The following NTM variants were observed in gnomAD, a reference collection of about 807,000 sequenced individuals.
NTM encodes the protein IgLON family member 2.
A neutral mutation model predicts 42.1 loss-of-function variants in NTM; 13 were observed. The ratio of observed to expected loss-of-function variants is 0.31; its 90% CI spans 0.20 to 0.49. The LOEUF is 0.49. Among genes scored for constraint, NTM ranks in the 20% least tolerant of loss-of-function variants. NTM has a pLI of 0.99. For synonymous variants in NTM, 187 were observed against 179.2 expected (o/e 1.04, Z -0.35); for missense variants, 373 against 452.8 (o/e 0.82, Z 1.60).
intron 1 of NTM, among the ~76,000 whole-genome samples, chr11:131,894,967 A>AGGCT (rs1474278909): frequency 6.6e-6 from 1 of 152,190 alleles, no homozygotes; most frequent in East Asian, 1.9e-4. Context: ...GGGTCTGCCA[A>AGGCT]GGCTGGCGCT....
chr11:131,682,830 C>A (rs946045039), intron 1 of NTM, among the ~76,000 whole-genome samples: 1 of 152,156 alleles, frequency 6.6e-6, no homozygotes, highest in African/African-American at 2.4e-5. Context: ...CGACCCAGTA[C>A]CTACTGGATC....
chr11:131,390,605 C>T (rs1565454549), intron 1 of NTM, among the ~76,000 whole-genome samples: 1 of 152,268 alleles, frequency 6.6e-6, no homozygotes. Flanking sequence ...GAAGGACTTG[C>T]TCCAACTCGA....
chr11:131,964,702 G>A (rs1487633559), intron 2 of NTM, among the ~76,000 whole-genome samples: 1 of 152,222 alleles, frequency 6.6e-6, no homozygotes, highest in Middle Eastern at 3.4e-3. Context: ...GGCCATCATC[G>A]TCAGCCTCCC....
At chr11:131,480,381 G>C (rs947150611) in intron 1 of NTM, among the ~76,000 whole-genome samples, 1 of 152,084 alleles carries the variant, frequency 6.6e-6, no homozygotes, top group Non-Finnish European at 1.5e-5. Flanking sequence ...CCCACCAAAA[G>C]CTGTCGCTTG....
At chr11:131,443,753 T>C (rs1363704051) in intron 1 of NTM, among the ~76,000 whole-genome samples, 3 of 152,206 alleles carry the variant, frequency 2.0e-5, no homozygotes, top group Non-Finnish European at 4.4e-5. Context: ...TTAAGATGTC[T>C]TTATCTGTCC....
chr11:131,420,674 C>G (rs73022147), intron 1 of NTM, among the ~76,000 whole-genome samples: 348 of 152,308 alleles, frequency 2.3e-3, no homozygotes, highest in African/African-American at 7.5e-3. Context: ...CTGGCTCTTT[C>G]CCTTCTGCAG....
intron 1 of NTM, among the ~76,000 whole-genome samples, chr11:131,829,436 A>T (rs1348462242): frequency 2.6e-5 from 4 of 152,126 alleles, no homozygotes; most frequent in Non-Finnish European, 4.4e-5. Context: ...GAGAACATGC[A>T]GCATTTGGTT....
intron 1 of NTM, among the ~76,000 whole-genome samples, chr11:131,507,232 T>C (rs935593769): frequency 2.6e-5 from 4 of 152,168 alleles, no homozygotes; most frequent in African/African-American, 9.7e-5. Context: ...TTGATTTTTG[T>C]ATAAGGTGTA....
rs1806122131 is a variant in NTM, at chr11:131,909,270, T to C, written c.83-2294T>C. Among the ~76,000 whole-genome samples, 2 of 152,142 alleles carry C rather than the reference T, an allele frequency of 1.3e-5. 1 individual carries two copies. Among genetic ancestry groups the C allele is most frequent in the South Asian group, 4.1e-4 (2 of 4,834 alleles). ...TCTCTATAGTTAGTGTGAGGGAGAT[T>C]TGATTGGTGAAATGTTTGTGTCCTC... On this transcript the variant is annotated intron_variant, in intron 1 of 8. Coordinates refer to ENST00000683400, the MANE Select transcript of NTM (RefSeq NM_001352005.2).
At chr11:132,026,016 G>C (rs569677146) in intron 2 of NTM, among the ~76,000 whole-genome samples, 4 of 152,092 alleles carry the variant, frequency 2.6e-5, no homozygotes, top group Non-Finnish European at 2.9e-5. Flanking sequence ...TCTCTGTGTC[G>C]TGTGTCTGTA....
chr11:131,885,127 A>C (rs1281057243), intron 1 of NTM, among the ~76,000 whole-genome samples: 4 of 152,194 alleles, frequency 2.6e-5, no homozygotes, highest in African/African-American at 9.6e-5. Flanking sequence ...GTAGGTCTGC[A>C]GGTCTGTGAA....
At chr11:132,224,614 G>T (rs1222051861) in intron 4 of NTM, among the ~76,000 whole-genome samples, 1 of 152,158 alleles carries the variant, frequency 6.6e-6, no homozygotes, top group African/African-American at 2.4e-5. Flanking sequence ...TTTTCTTCCT[G>T]CCCCTGAAGG....
chr11:131,890,137 CCTCT>C (rs1161931332), intron 1 of NTM, among the ~76,000 whole-genome samples: 3 of 108,640 alleles, frequency 2.8e-5, no homozygotes, highest in Non-Finnish European at 5.4e-5. Context: ...CCTCTCTCTC[CCTCT>C]CTCTCTCTCT....
chr11:132,029,460 G>T (rs1219573287), intron 2 of NTM, among the ~76,000 whole-genome samples: 1 of 151,128 alleles, frequency 6.6e-6, no homozygotes, highest in Non-Finnish European at 1.5e-5. Flanking sequence ...TTGTCCTTGC[G>T]ATAGTTTGCT....
intron 1 of NTM, among the ~76,000 whole-genome samples, chr11:131,396,060 C>G (rs1372500028): frequency 2.0e-5 from 3 of 152,178 alleles, no homozygotes; most frequent in Non-Finnish European, 2.9e-5. Flanking sequence ...GGGTCTAGAA[C>G]TGTTCATGCA....
chr11:131,382,270 T>G (rs1942783236), intron 1 of NTM, among the ~76,000 whole-genome samples: 1 of 152,092 alleles, frequency 6.6e-6, no homozygotes, highest in Admixed American at 6.5e-5. Flanking sequence ...TTCCTGGAGG[T>G]GCAGGATCCC....
intron 7 of NTM, among the ~76,000 whole-genome samples, chr11:132,318,263 C>T (rs1016216126): frequency 6.6e-6 from 1 of 152,172 alleles, no homozygotes; most frequent in African/African-American, 2.4e-5. Flanking sequence ...CACTAAGCCT[C>T]ATTTAGACTC....
chr11:132,037,204 G>A (rs2076611845), intron 2 of NTM, among the ~76,000 whole-genome samples: 1 of 151,974 alleles, frequency 6.6e-6, no homozygotes, highest in South Asian at 2.1e-4. Context: ...TGCTCTGTTA[G>A]TTGCTATGAG....
At chr11:132,147,784 C>T (rs538941722) in intron 3 of NTM, among the ~76,000 whole-genome samples, 78 of 152,066 alleles carry the variant, frequency 5.1e-4, no homozygotes, top group East Asian at 1.6e-3. Context: ...GTCCCCTTGT[C>T]GGTGTGTTCA....
Sources: allele counts gnomAD v4.1 joint callset (sites outside exome capture counted in the v4.1 genomes callset), GRCh38; gene constraint gnomAD v4.1.1; transcripts MANE v1.5; gene names NCBI Gene and HGNC (gene_info 2026-07-23, HGNC 2026-07-21).